Variants in PSMB7 observed in about 807,000 individuals in gnomAD.
The protein encoded by PSMB7 is proteasome 20S subunit beta 7.
PSMB7 carries 5 observed loss-of-function variants against 28.1 expected under a neutral mutation model. The observed-to-expected ratio is 0.18, with a 90% CI of 0.09 to 0.37. PSMB7 has a LOEUF of 0.37. Among genes scored for constraint, PSMB7 ranks in the 10% least tolerant of loss-of-function variants. The pLI, the probability that PSMB7 is intolerant of heterozygous loss-of-function variation, is 1.00. For missense variants in PSMB7, 275 were observed against 346.2 expected (o/e 0.79, Z 1.63); for synonymous variants, 122 against 123.7 (o/e 0.99, Z 0.09).
chr9:124,370,223 CTTT>C lies in PSMB7; in HGVS notation c.571-13311_571-13309del, dbSNP rs34812724. Among the ~76,000 whole-genome samples the C allele has an allele frequency of 2.2e-3, 324 of 144,428 alleles. 1 individual carries two copies. Among genetic ancestry groups the C allele is most frequent in the African/African-American group, 6.1e-3 (242 of 39,426 alleles). 94.8% of individuals were successfully genotyped at this position (144,428 alleles called of 152,430 possible). A position where few individuals can be genotyped will look rare whatever the true frequency, so the allele number is the denominator to read the frequency against. On this transcript the variant is annotated intron_variant, in intron 6 of 7. Coordinates refer to ENST00000259457, the MANE Select transcript of PSMB7 (RefSeq NM_002799.4). ...CTTAGGAGTTTTTGAGAAAGAGCACCTTTTTTTTTTTTTTTTAAAGCTTTCACA... is the reference window on the plus strand; with the variant it reads ...CTTAGGAGTTTTTGAGAAAGAGCACCTTTTTTTTTTTTTAAAGCTTTCACA...
At chr9:124,380,752 C>T (rs576633848) in intron 6 of PSMB7, among the ~76,000 whole-genome samples, 1 of 152,162 alleles carries the variant, frequency 6.6e-6, no homozygotes, top group Non-Finnish European at 1.5e-5. Context: ...GAACTCTACA[C>T]TCAAGATCTG....
intron 6 of PSMB7, among the ~76,000 whole-genome samples, chr9:124,382,425 C>G (rs1446120471): frequency 6.6e-6 from 1 of 151,692 alleles, no homozygotes; most frequent in East Asian, 2.0e-4. Flanking sequence ...TCAGGCTGGT[C>G]TCGAACTCCT....
chr9:124,381,679 AG>A (rs1325545041), intron 6 of PSMB7, among the ~76,000 whole-genome samples: 1 of 152,250 alleles, frequency 6.6e-6, no homozygotes, highest in Non-Finnish European at 1.5e-5. Context: ...TGTTGTTATG[AG>A]TTCTATACAG....
In PSMB7 at chr9:124,356,748, C is replaced by T. The variant is rs372202418; in HGVS notation, c.722+16G>A. The T allele has an allele frequency of 5.0e-6, 8 of 1,603,356 alleles. No homozygotes were observed. The highest frequency in any genetic ancestry group is 2.7e-5 in the African/African-American group (2 of 74,596). Reference sequence around the variant, plus strand: ...ACGCCAGGGGACCCAGGAAGAACTTCGTCTCCTTCACTCACCTGGTCCCCT... The same window carrying T: ...ACGCCAGGGGACCCAGGAAGAACTTTGTCTCCTTCACTCACCTGGTCCCCT... On this transcript the variant is annotated intron_variant, in intron 7 of 7. Coordinates refer to ENST00000259457, the MANE Select transcript of PSMB7 (RefSeq NM_002799.4). This position sits in a 1 kb window ranked among gnomAD's most constrained non-coding sequence, Gnocchi z 4.4.
intron 6 of PSMB7, among the ~76,000 whole-genome samples, chr9:124,375,204 C>G: frequency 6.6e-6 from 1 of 152,196 alleles, no homozygotes; most frequent in East Asian, 1.9e-4. Flanking sequence ...CACTCTGTCG[C>G]CCCAGGCTGA....
At chr9:124,415,018 T>A in intron 1 of PSMB7, 83 bp from the exon 2 acceptor site, 1 of 882,548 alleles carries the variant, frequency 1.1e-6, no homozygotes, top group Non-Finnish European at 1.8e-6. Flanking sequence ...AACAGAGAAC[T>A]CAGGAAAGCT....
At chr9:124,359,363 A>G (rs1830446788) in intron 6 of PSMB7, among the ~76,000 whole-genome samples, 1 of 152,170 alleles carries the variant, frequency 6.6e-6, no homozygotes, top group South Asian at 2.1e-4. Context: ...CTATATGCTC[A>G]CTAAAACAAT....
In PSMB7 at chr9:124,415,399, T is replaced by G. The variant is rs773266091; in HGVS notation, c.27A>C (p.Pro9=). 4 of 1,614,012 alleles carry G rather than the reference T, an allele frequency of 2.5e-6. No homozygotes were observed. In the South Asian group the frequency reaches 4.4e-5, roughly 18 times the overall value. Reference sequence around the variant, plus strand: ...TATCAAAAGAGAAGCCTCCAACTGGTGGAGCATACACCGACACAGCCGCCA... The same window carrying G: ...TATCAAAAGAGAAGCCTCCAACTGGGGGAGCATACACCGACACAGCCGCCA... MAAVSVYA[P]PVGGFSFDNC... is the part of the protein sequence containing the mutation. Residue 9 remains proline (P), a synonymous_variant, in exon 1 of 8, where the codon CCA becomes CCC. Coordinates refer to ENST00000259457, the MANE Select transcript of PSMB7 (RefSeq NM_002799.4).
intron 5 of PSMB7, among the ~76,000 whole-genome samples, chr9:124,403,984 TG>T (rs1023299692): frequency 1.3e-5 from 2 of 151,636 alleles, no homozygotes; most frequent in African/African-American, 4.9e-5. Flanking sequence ...CTCAAACTCC[TG>T]GGCTCATACA....
chr9:124,413,188 T>C lies in PSMB7; in HGVS notation c.255-696A>G, dbSNP rs559731250. ...AAAAAAAAAAAAAGAACGAAAAAAATGTTTAAAAAAAGGAAAAGGTTATAT... is the reference window on the plus strand; with the variant it reads ...AAAAAAAAAAAAAGAACGAAAAAAACGTTTAAAAAAAGGAAAAGGTTATAT... On this transcript the variant is annotated intron_variant, in intron 3 of 7. Coordinates refer to ENST00000259457, the MANE Select transcript of PSMB7 (RefSeq NM_002799.4). Among the ~76,000 whole-genome samples the C allele has an allele frequency of 6.9e-3, 670 of 97,300 alleles. 5 individuals carry two copies. The highest frequency in any genetic ancestry group is 0.025 in the African/African-American group (637 of 25,454). The allele number at this position is 97,300 out of a possible 152,430, so 63.8% of individuals were successfully genotyped here.
At position 124,353,677 on chromosome 9, in the gene PSMB7, G is replaced by A. The variant is rs776062237; in HGVS notation, c.755C>T (p.Thr252Ile). The A allele has an allele frequency of 6.2e-7, 1 of 1,613,858 alleles. No individual in the cohort carries two copies. The change falls in exon 8 of 8, where the codon ACT (threonine) becomes ATT (isoleucine). Residue 252 changes from threonine to isoleucine, a missense_variant. Physicochemically the swap from Thr to Ile is moderately conservative, Grantham distance 89. Coordinates refer to ENST00000259457, the MANE Select transcript of PSMB7 (RefSeq NM_002799.4). ...LGRYRCEKGT[T>I]AVLTEKITPL... ...AGTGATTTTCTCAGTGAGGACTGCA[G>A]TAGTCCCTTTCTCACACCTGTACCG... is the stretch of plus-strand genomic sequence containing the variant.
intron 4 of PSMB7, among the ~76,000 whole-genome samples, chr9:124,412,128 TCAA>T (rs1831034003): frequency 6.6e-6 from 1 of 152,112 alleles, no homozygotes; most frequent in African/African-American, 2.4e-5. Context: ...AGGAAATGAC[TCAA>T]CTGGTGACAT....
intron 6 of PSMB7, among the ~76,000 whole-genome samples, chr9:124,376,075 C>T (rs1029079875): frequency 1.3e-5 from 2 of 152,212 alleles, no homozygotes; most frequent in South Asian, 2.1e-4. Context: ...ACAGAACAAT[C>T]GTTGACAAAG....
chr9:124,412,186 AC>A (rs1831034682), intron 4 of PSMB7, among the ~76,000 whole-genome samples, 165 bp downstream of exon 4: 2 of 152,236 alleles, frequency 1.3e-5, no homozygotes, highest in African/African-American at 4.8e-5. Flanking sequence ...ATTCAAATGC[AC>A]CATCAAAAAC....
At chr9:124,381,075 C>T (rs563113868) in intron 6 of PSMB7, among the ~76,000 whole-genome samples, 1 of 152,208 alleles carries the variant, frequency 6.6e-6, no homozygotes, top group East Asian at 1.9e-4. Context: ...TCTCTGAAAC[C>T]TGGTGTGCGT....
Position 124,353,556 on chromosome 9 carries a change from C to A in PSMB7, c.*42G>T. The stretch of plus-strand genomic sequence containing the variant: ...GAGTGTCTTACTGGGCCTCAATGCT[C>A]ACCACCTTCCAGAACCGCGGCCAGC... On this transcript the variant is annotated 3_prime_UTR_variant, in exon 8 of 8. Coordinates refer to ENST00000259457, the MANE Select transcript of PSMB7 (RefSeq NM_002799.4). The A allele has an allele frequency of 7.1e-7, 1 of 1,403,582 alleles. No homozygotes were observed. Among genetic ancestry groups the A allele is most frequent in the South Asian group, 1.2e-5 (1 of 86,760 alleles). 86.9% of individuals were successfully genotyped at this position (1,403,582 alleles called of 1,614,324 possible). A position where few individuals can be genotyped will look rare whatever the true frequency, so the allele number is the denominator to read the frequency against.
At position 124,356,969 on chromosome 9, in the gene PSMB7, G is replaced by C; in HGVS notation, c.571-54C>G. On this transcript the variant is annotated intron_variant, in intron 6 of 7. Transcript: ENST00000259457. The surrounding 1 kb of genome is among the most constrained non-coding windows in gnomAD (Gnocchi z 4.4). ...CCCCGGCCAAACTAGGGCCTGCTCT[G>C]ACATCCGCAATGTACGTCCACTAGC... 4 of 1,604,842 alleles carry C rather than the reference G, an allele frequency of 2.5e-6. No homozygotes were observed. Among genetic ancestry groups the C allele is most frequent in the Non-Finnish European group, 2.6e-6 (3 of 1,173,548 alleles).
At chr9:124,366,708 A>C (rs1253428860) in intron 6 of PSMB7, among the ~76,000 whole-genome samples, 1 of 152,254 alleles carries the variant, frequency 6.6e-6, no homozygotes, top group African/African-American at 2.4e-5. Flanking sequence ...CATTCATGGT[A>C]AGTGCCCTAG....
intron 5 of PSMB7, among the ~76,000 whole-genome samples, chr9:124,392,633 G>C (rs1332432154): frequency 6.6e-6 from 1 of 152,192 alleles, no homozygotes; most frequent in East Asian, 1.9e-4. Flanking sequence ...TCTCCGACAA[G>C]CTCCTGGTCC....
Sources: allele counts gnomAD v4.1 joint callset (sites outside exome capture counted in the v4.1 genomes callset), GRCh38; gene constraint gnomAD v4.1.1; non-coding constraint Gnocchi (gnomAD v3.1); transcripts MANE v1.5; gene names NCBI Gene and HGNC (gene_info 2026-07-23, HGNC 2026-07-21).